XKR6: variants seen among roughly 807,000 people sequenced by gnomAD.
XKR6 encodes XK-related protein 6.
XKR6 carries 22 observed loss-of-function variants against 56.7 expected under a neutral mutation model. The ratio of observed to expected loss-of-function variants is 0.39; its 90% CI spans 0.28 to 0.55. The LOEUF (loss-of-function observed/expected upper bound fraction) is 0.55, where lower values mean the gene tolerates loss of function less well. XKR6 is among the 20% of genes least tolerant of loss of function. XKR6 has a pLI of 0.66. For missense variants in XKR6, 852 were observed against 889.0 expected, an observed-to-expected ratio of 0.96 and a Z score of 0.53; for synonymous variants, 524 against 387.8, an observed-to-expected ratio of 1.35 and a Z score of -4.13.
chr8:10,967,177 A>G (rs1238339028), intron 1 of XKR6, among the ~76,000 whole-genome samples: 2 of 152,164 alleles, frequency 1.3e-5, no homozygotes, highest in Non-Finnish European at 2.9e-5. Flanking sequence ...TGGCAGTGCA[A>G]TCTATGAGAA....
At chr8:11,035,041 G>A (rs992172965) in intron 1 of XKR6, among the ~76,000 whole-genome samples, 1 of 152,214 alleles carries the variant, frequency 6.6e-6, no homozygotes, top group African/African-American at 2.4e-5. Flanking sequence ...GTAGTAGTGT[G>A]ACCCTGGGCC....
intron 1 of XKR6, among the ~76,000 whole-genome samples, chr8:11,173,947 G>A (rs975805760): frequency 6.6e-6 from 1 of 152,174 alleles, no homozygotes; most frequent in Non-Finnish European, 1.5e-5. Flanking sequence ...TGCTGATGGG[G>A]TTACCCTCGG....
intron 1 of XKR6, among the ~76,000 whole-genome samples, chr8:11,184,855 C>A (rs557829667): frequency 2.0e-5 from 3 of 152,166 alleles, no homozygotes; most frequent in African/African-American, 7.2e-5. Context: ...TTCAGATCAT[C>A]TGAATCCATC....
intron 1 of XKR6, among the ~76,000 whole-genome samples, chr8:11,095,716 A>T (rs966439194): frequency 6.6e-6 from 1 of 152,212 alleles, no homozygotes; most frequent in Non-Finnish European, 1.5e-5. Flanking sequence ...GGCTTATGGA[A>T]GGTCTTTTTC....
intron 1 of XKR6, chr8:11,125,806 C>G (rs1423146202): frequency 1.3e-5 from 2 of 152,094 alleles, no homozygotes; most frequent in Non-Finnish European, 2.9e-5. Context: ...TTCAGTTTAC[C>G]AAAGCCTCTC....
chr8:11,148,364 GC>G (rs1322748953), intron 1 of XKR6, among the ~76,000 whole-genome samples: 13 of 152,208 alleles, frequency 8.5e-5, no homozygotes, highest in African/African-American at 3.1e-4. Flanking sequence ...ATGTAACAAG[GC>G]AGGTGGAGGG....
intron 1 of XKR6, among the ~76,000 whole-genome samples, chr8:11,140,724 G>A (rs562520530): frequency 8.6e-5 from 13 of 151,720 alleles, no homozygotes; most frequent in East Asian, 3.9e-4. Context: ...GGTGAAACCC[G>A]GTCTCTACTA....
At chr8:11,134,739 C>T (rs1800295974) in intron 1 of XKR6, among the ~76,000 whole-genome samples, 1 of 151,946 alleles carries the variant, frequency 6.6e-6, no homozygotes, top group South Asian at 2.1e-4. Context: ...ATTAACCTAC[C>T]AGCGAAATAA....
At chr8:11,055,963 A>T in intron 1 of XKR6, among the ~76,000 whole-genome samples, 1 of 152,184 alleles carries the variant, frequency 6.6e-6, no homozygotes, top group East Asian at 1.9e-4. Context: ...AACAACAGGA[A>T]GCCTGTCTGA....
At chr8:11,083,235 C>T (rs1797786048) in intron 1 of XKR6, among the ~76,000 whole-genome samples, 1 of 152,190 alleles carries the variant, frequency 6.6e-6, no homozygotes. Context: ...TTCACCTAGT[C>T]GCACCACTTG....
chr8:11,096,944 C>T (rs1215838027), intron 1 of XKR6, among the ~76,000 whole-genome samples: 2 of 152,196 alleles, frequency 1.3e-5, no homozygotes, highest in African/African-American at 2.4e-5. Context: ...AGAGATTTCG[C>T]CCACTTGCAT....
chr8:11,056,007 C>A (rs982034770), intron 1 of XKR6, among the ~76,000 whole-genome samples: 3 of 152,170 alleles, frequency 2.0e-5, no homozygotes, highest in African/African-American at 4.8e-5. Flanking sequence ...GCCTGTGCAG[C>A]CCTTGGGTCT....
chr8:11,030,743 C>T (rs1218110414), intron 1 of XKR6, among the ~76,000 whole-genome samples: 1 of 152,136 alleles, frequency 6.6e-6, no homozygotes, highest in Non-Finnish European at 1.5e-5. Context: ...CTCTGCCAGC[C>T]AGCCAGCCAG....
At chr8:11,093,057 T>G (rs1401136328) in intron 1 of XKR6, among the ~76,000 whole-genome samples, 2 of 150,038 alleles carry the variant, frequency 1.3e-5, no homozygotes, top group African/African-American at 5.0e-5. Context: ...TTTCTTTTTC[T>G]TTTCTTTCTT....
intron 1 of XKR6, among the ~76,000 whole-genome samples, chr8:11,038,801 A>G (rs577117181): frequency 1.1e-4 from 16 of 152,022 alleles, no homozygotes; most frequent in Non-Finnish European, 2.1e-4. Flanking sequence ...TGAGACTCCC[A>G]AAGTGCTGGG....
chr8:11,024,250 T>TGA (rs1798813258), intron 1 of XKR6, among the ~76,000 whole-genome samples: 1 of 141,316 alleles, frequency 7.1e-6, no homozygotes, highest in East Asian at 2.0e-4. Context: ...TGTGTGTGTG[T>TGA]GTGATTCTCC....
At chr8:11,076,555 C>A (rs759640386) in intron 1 of XKR6, among the ~76,000 whole-genome samples, 2 of 152,134 alleles carry the variant, frequency 1.3e-5, no homozygotes, top group Non-Finnish European at 2.9e-5. Context: ...AGCTGTGCGA[C>A]CTCAGCCTCC....
intron 1 of XKR6, among the ~76,000 whole-genome samples, chr8:10,971,774 A>T (rs1045754615): frequency 2.0e-5 from 3 of 152,168 alleles, no homozygotes; most frequent in Non-Finnish European, 4.4e-5. Context: ...GAGGCAGGGG[A>T]CGCTGGCCAC....
At chr8:11,026,079 G>A (rs1240072742) in intron 1 of XKR6, among the ~76,000 whole-genome samples, 3 of 152,272 alleles carry the variant, frequency 2.0e-5, no homozygotes, top group South Asian at 2.1e-4. Flanking sequence ...GAAATGTGTC[G>A]TTAGGCGATT....
Sources: gnomAD v4.1 joint callset for allele counts (sites outside exome capture counted in the v4.1 genomes callset) on GRCh38, gnomAD v4.1.1 for gene constraint, MANE v1.5 for transcripts, NCBI Gene and HGNC (gene_info 2026-07-23, HGNC 2026-07-21) for gene names.